Variants in SERPINB12 observed in about 807,000 individuals in gnomAD.
The protein encoded by SERPINB12 is serpin family B member 12, also known as serpin B12.
Under a neutral mutation model 41.1 loss-of-function variants are expected in SERPINB12, and 57 were observed. That is an observed-to-expected ratio of 1.39 (90% CI 1.12 to 1.73). The LOEUF (loss-of-function observed/expected upper bound fraction) is 1.73. Ranked by LOEUF, SERPINB12 falls within the 40% of genes most tolerant of loss-of-function variation. SERPINB12 has a pLI of 0.00. For synonymous variants in SERPINB12, 180 were observed against 181.3 expected (o/e 0.99, Z 0.06); for missense variants, 536 against 501.9 (o/e 1.07, Z -0.65).
At chr18:63,557,618 C>T (rs1373955786) in intron 2 of SERPINB12, among the ~76,000 whole-genome samples, 2 of 152,160 alleles carry the variant, frequency 1.3e-5, no homozygotes, top group African/African-American at 2.4e-5. Flanking sequence ...ATTCCATTAG[C>T]AAAACTTAGC....
chr18:63,519,264 CA>C, the SERPINB12 span, among the ~76,000 whole-genome samples: 1 of 152,202 alleles, frequency 6.6e-6, no homozygotes, highest in Non-Finnish European at 1.5e-5. Context: ...AGACAGGGAC[CA>C]CCCTAGTTTA....
the SERPINB12 span, among the ~76,000 whole-genome samples, chr18:63,531,165 T>C: frequency 2.6e-5 from 4 of 152,214 alleles, no homozygotes; most frequent in African/African-American, 9.7e-5. Context: ...CAATTGTTGA[T>C]AATTATGAAT....
intron 2 of SERPINB12, among the ~76,000 whole-genome samples, chr18:63,557,695 C>G (rs905584081): frequency 2.6e-5 from 4 of 152,180 alleles, no homozygotes; most frequent in African/African-American, 7.2e-5. Context: ...TTGAGGGCAC[C>G]TGCTGACCAA....
At chr18:63,562,330 G>T (rs892797726) in intron 5 of SERPINB12, among the ~76,000 whole-genome samples, 19 of 152,258 alleles carry the variant, frequency 1.2e-4, no homozygotes, top group Admixed American at 3.9e-4. Flanking sequence ...TGGGGCTGGC[G>T]AAGGTGTTCG....
At chr18:63,529,671 G>A in the SERPINB12 span, among the ~76,000 whole-genome samples, 1 of 152,038 alleles carries the variant, frequency 6.6e-6, no homozygotes, top group Non-Finnish European at 1.5e-5. Flanking sequence ...GCATAAACTG[G>A]TGGAGTGCTG....
chr18:63,559,519 G>C, intron 3 of SERPINB12, 59 bp from the exon 4 acceptor site: 3 of 1,544,314 alleles, frequency 1.9e-6, no homozygotes, highest in Admixed American at 1.7e-5. Flanking sequence ...ATCTTTTAGC[G>C]GTGTTTAGCT....
chr18:63,548,269 AT>A (rs1187382498), intron 1 of SERPINB12, among the ~76,000 whole-genome samples: 4 of 152,156 alleles, frequency 2.6e-5, no homozygotes, highest in African/African-American at 7.2e-5. Flanking sequence ...ATGGAAAAAA[AT>A]ACCTTTAAAA....
At position 63,568,242 on chromosome 18, in the gene SERPINB12, G is replaced by A. The variant is rs546028784; in HGVS notation, c.*1231G>A. ...CAAAAAATACAGAAATTAGCCGGGC[G>A]TGGTGGTGTGCACCTATAGTCCCAG... On this transcript the variant is annotated 3_prime_UTR_variant, in exon 8 of 8. Transcript: ENST00000382768. 6.3e-4 allele frequency among the ~76,000 whole-genome samples: 96 copies of A among 152,256 alleles called. No individual in the cohort carries two copies. Among genetic ancestry groups the A allele is most frequent in the Non-Finnish European group, 1.1e-3 (74 of 68,018 alleles).
the SERPINB12 span, among the ~76,000 whole-genome samples, chr18:63,525,662 TA>T: frequency 6.6e-6 from 1 of 152,184 alleles, no homozygotes; most frequent in Non-Finnish European, 1.5e-5. Context: ...AGTTTATTTA[TA>T]AATATTTATC....
In SERPINB12 at chr18:63,567,082, G is replaced by T; in HGVS notation, c.*71G>T. The T allele has an allele frequency of 6.9e-7, 1 of 1,450,424 alleles. No individual in the cohort carries two copies. The allele number at this position is 1,450,424 out of a possible 1,614,324, so 89.8% of individuals were successfully genotyped here. On this transcript the variant is annotated 3_prime_UTR_variant, in exon 8 of 8. Coordinates refer to ENST00000382768, the MANE Select transcript of SERPINB12 (RefSeq NM_001307928.2). The stretch of plus-strand genomic sequence containing the variant: ...TACAATCTTCCCCTGGCATAAGATG[G>T]GCATTTGAGTTTTTGGTAATATCTA...
chr18:63,561,452 A>C (rs1036463983), intron 5 of SERPINB12, among the ~76,000 whole-genome samples: 3 of 152,214 alleles, frequency 2.0e-5, no homozygotes, highest in African/African-American at 7.2e-5. Context: ...ATTGGTGGGA[A>C]TGTAAATTAG....
At chr18:63,549,218 A>G (rs1279131828) in intron 1 of SERPINB12, among the ~76,000 whole-genome samples, 1 of 152,160 alleles carries the variant, frequency 6.6e-6, no homozygotes, top group Admixed American at 6.5e-5. Flanking sequence ...GAGATTGGAA[A>G]GCACACGGAA....
At chr18:63,537,757 G>A (rs1910202590), upstream of SERPINB12, among the ~76,000 whole-genome samples, 1 of 152,046 alleles carries the variant, frequency 6.6e-6, no homozygotes, top group Non-Finnish European at 1.5e-5. Context: ...ACTCATAAAG[G>A]TTGTCACATT....
At chr18:63,556,887 C>G (rs1910699334) in intron 2 of SERPINB12, among the ~76,000 whole-genome samples, 1 of 152,230 alleles carries the variant, frequency 6.6e-6, no homozygotes. Flanking sequence ...ACCATCTTTT[C>G]TCACCTGGAT....
chr18:63,559,841 G>A lies in SERPINB12; in HGVS notation c.444+123G>A, dbSNP rs1599424001. 3.2e-6 allele frequency: 3 copies of A among 939,326 alleles called. No homozygotes were observed. In the East Asian group the frequency reaches 7.7e-5, roughly 24 times the overall value. The allele number at this position is 939,326 out of a possible 1,614,324, so 58.2% of individuals were successfully genotyped here. A position where few individuals can be genotyped will look rare whatever the true frequency, so the allele number is the denominator to read the frequency against. Reference sequence around the variant, plus strand: ...CCTCTTTGACAGGATGATGCGCTGTGGACTGGTGAGGTGTCCAGGACCTCC... The same window carrying A: ...CCTCTTTGACAGGATGATGCGCTGTAGACTGGTGAGGTGTCCAGGACCTCC... On this transcript the variant is annotated intron_variant, in intron 4 of 7. Coordinates refer to ENST00000382768, the MANE Select transcript of SERPINB12 (RefSeq NM_001307928.2).
At chr18:63,544,431 C>T (rs899005271) in intron 1 of SERPINB12, among the ~76,000 whole-genome samples, 3 of 152,058 alleles carry the variant, frequency 2.0e-5, no homozygotes, top group Admixed American at 2.0e-4. Context: ...CTTGGAAAAC[C>T]ATATTATTAT....
intron 1 of SERPINB12, among the ~76,000 whole-genome samples, chr18:63,549,879 T>A (rs1466725860): frequency 6.6e-6 from 1 of 152,128 alleles, no homozygotes; most frequent in Admixed American, 6.5e-5. Flanking sequence ...TGTTATCTGC[T>A]CCAGAGGGTG....
intron 1 of SERPINB12, among the ~76,000 whole-genome samples, chr18:63,543,539 G>C (rs1289236076): frequency 6.6e-6 from 1 of 151,892 alleles, no homozygotes; most frequent in Non-Finnish European, 1.5e-5. Flanking sequence ...TTAGGGTTTT[G>C]CTTGGGGTTA....
the SERPINB12 span, among the ~76,000 whole-genome samples, chr18:63,532,975 A>G: frequency 6.6e-6 from 1 of 151,672 alleles, no homozygotes; most frequent in East Asian, 1.9e-4. Context: ...TACTCCTTTC[A>G]TGTTTCTTCT....
Sources: gnomAD v4.1 joint callset for allele counts (sites outside exome capture counted in the v4.1 genomes callset) on GRCh38, gnomAD v4.1.1 for gene constraint, MANE v1.5 for transcripts, NCBI Gene and HGNC (gene_info 2026-07-23, HGNC 2026-07-21) for gene names.